The following CER1 variants were observed in gnomAD, a reference collection of about 807,000 sequenced individuals.
The protein encoded by CER1 is cerberus.
In CER1, 10 loss-of-function variants were observed where a neutral mutation model predicts 11.8. The ratio of observed to expected loss-of-function variants is 0.85; its 90% confidence interval spans 0.52 to 1.44. The LOEUF (loss-of-function observed/expected upper bound fraction) is 1.44, where lower values mean the gene tolerates loss of function less well. Ranked by LOEUF, CER1 falls within the 40% of genes most tolerant of loss-of-function variation. CER1 has a pLI of 0.00. For synonymous variants in CER1, 141 were observed against 122.3 expected (o/e 1.15, Z -1.01); for missense variants, 431 against 327.0 (o/e 1.32, Z -2.45).
At chr9:14,717,836 C>A (rs1587560117), downstream of CER1, among the ~76,000 whole-genome samples, 1 of 152,128 alleles carries the variant, frequency 6.6e-6, no homozygotes, top group Non-Finnish European at 1.5e-5. Context: ...TGCTCTTAGG[C>A]AAATTCTGAA....
chr9:14,717,709 T>G (rs897226553), downstream of CER1, among the ~76,000 whole-genome samples: 8 of 152,158 alleles, frequency 5.3e-5, no homozygotes, highest in African/African-American at 1.7e-4. Flanking sequence ...GCTAGGTAAG[T>G]GGTAAAAAGA....
downstream of CER1, chr9:14,719,619 T>TTCCTTCTTTCC (rs1839979980): frequency 1.0e-5 from 1 of 99,622 alleles, no homozygotes; most frequent in Admixed American, 9.7e-5. Context: ...TCCTTCCTTC[T>TTCCTTCTTTCC]TTCCTTCCTT....
At chr9:14,721,283 G>A (rs543639952) in intron 1 of CER1, among the ~76,000 whole-genome samples, 18 of 152,272 alleles carry the variant, frequency 1.2e-4, no homozygotes, top group African/African-American at 4.1e-4. Flanking sequence ...ATATCTTCAT[G>A]TTTAAGGACC....
In CER1 at chr9:14,722,720, G is replaced by A. The variant is rs932721542; in HGVS notation, c.-48C>T. ...TTTGTAAATGATGAGGCCCAAAGGA[G>A]AGGCTCATTCTCTGCAGGACTGGGA... On this transcript the variant is annotated 5_prime_UTR_variant, in exon 1 of 2. Coordinates refer to ENST00000380911, the MANE Select transcript of CER1 (RefSeq NM_005454.3). 6.5e-7 allele frequency: 1 copy of A among 1,545,406 alleles called. No homozygotes were observed. The highest frequency in any genetic ancestry group is 8.6e-7 in the Non-Finnish European group (1 of 1,157,594).
At position 14,720,544 on chromosome 9, in the gene CER1, G is replaced by T. The variant is rs796678214; in HGVS notation, c.508-158C>A. 5.7e-4 allele frequency among the ~76,000 whole-genome samples: 87 copies of T among 152,214 alleles called. 1 individual carries two copies. Among genetic ancestry groups the T allele is most frequent in the African/African-American group, 2.0e-3 (83 of 41,538 alleles). ...AATATGCAAGTGATGGTATCTATAA[G>T]GGCACAGAACCACCTCAATTAAATT... On this transcript the variant is annotated intron_variant, in intron 1 of 1. Transcript: ENST00000380911.
intron 1 of CER1, among the ~76,000 whole-genome samples, chr9:14,720,888 C>G (rs1839999762): frequency 6.6e-6 from 1 of 152,148 alleles, no homozygotes; most frequent in Non-Finnish European, 1.5e-5. Flanking sequence ...TGTATGCAAG[C>G]AGAGTTACAA....
rs2131789618 is a variant in CER1, at chr9:14,720,061, C to T, written c.*29G>A. On this transcript the variant is annotated 3_prime_UTR_variant, in exon 2 of 2. Transcript: ENST00000380911. ...CAGCATCTTTGCTGTTGTGGTTTTGCTTTTCAAAGGTAATAGTGGGATAGC... is the reference window on the plus strand; with the variant it reads ...CAGCATCTTTGCTGTTGTGGTTTTGTTTTTCAAAGGTAATAGTGGGATAGC... 3.1e-6 allele frequency: 5 copies of T among 1,596,398 alleles called. No individual in the cohort carries two copies. The South Asian group carries it at 3.3e-5, about 11-fold the overall frequency.
intron 1 of CER1, among the ~76,000 whole-genome samples, chr9:14,721,797 T>A (rs187447103): frequency 2.6e-5 from 4 of 152,252 alleles, no homozygotes; most frequent in Admixed American, 2.6e-4. Context: ...ACAGAGGAGT[T>A]CTGGTGATTA....
At position 14,720,133 on chromosome 9, in the gene CER1, T is replaced by G; in HGVS notation, c.761A>C (p.His254Pro). Residue 254 changes from histidine to proline, a missense_variant, in exon 2 of 2, where the codon CAT becomes CCT. By Grantham distance (77) the His-to-Pro change is moderately conservative. Coordinates refer to ENST00000380911, the MANE Select transcript of CER1 (RefSeq NM_005454.3). ...GATAAAGGAATCCTGGGAGCCAGCA[T>G]GTAGGATGTGTCCATCTTCATGCTC... The part of the protein sequence containing the change: ...KTEHEDGHIL[H>P]AGSQDSFIPG... 6.2e-7 allele frequency: 1 copy of G among 1,614,110 alleles called. No individual in the cohort carries two copies. The highest frequency in any genetic ancestry group is 8.5e-7 in the Non-Finnish European group (1 of 1,180,016).
Position 14,722,496 on chromosome 9 carries a change from T to C in CER1, c.177A>G (p.Ala59=), listed in dbSNP as rs751309701. The C allele has an allele frequency of 1.2e-6, 2 of 1,614,230 alleles. No individual in the cohort carries two copies. The highest frequency in any genetic ancestry group is 3.3e-5 in the Admixed American group (2 of 60,022). The part of the protein sequence containing the change: ...EAEEKPDLFV[A]VPHLVATSPA... ...GGCTGGTGGCTACAAGGTGTGGCAC[T>C]GCGACAAACAGATCTGGCTTCTCCT... Residue 59 remains alanine (A), a synonymous_variant, in exon 1 of 2, where the codon GCA becomes GCG. Transcript: ENST00000380911.
Position 14,722,487 on chromosome 9 carries a change from G to A in CER1, c.186C>T (p.His62=), listed in dbSNP as rs759414494. The A allele has an allele frequency of 1.2e-6, 2 of 1,614,060 alleles. No homozygotes were observed. Among genetic ancestry groups the A allele is most frequent in the South Asian group, 1.1e-5 (1 of 91,080 alleles). ...EKPDLFVAVP[H]LVATSPAGEG... is the part of the protein sequence containing the mutation. ...CCCCTGCAGGGCTGGTGGCTACAAG[G>A]TGTGGCACTGCGACAAACAGATCTG... The change falls in exon 1 of 2, where the codon CAC becomes CAT. Residue 62 remains histidine (H), a synonymous_variant. Transcript: ENST00000380911.
At position 14,720,183 on chromosome 9, in the gene CER1, C is replaced by T. The variant is rs1839988244; in HGVS notation, c.711G>A (p.Glu237=). 1 of 1,614,048 alleles carries T rather than the reference C, an allele frequency of 6.2e-7. No individual in the cohort carries two copies. Among genetic ancestry groups the T allele is most frequent in the Non-Finnish European group, 8.5e-7 (1 of 1,180,034 alleles). The change falls in exon 2 of 2, where the codon GAG becomes GAA. Residue 237 remains glutamate, a synonymous_variant. Coordinates refer to ENST00000380911, the MANE Select transcript of CER1 (RefSeq NM_005454.3). ...SSVIKVVMLV[E]ECQCKVKTEH... Reference sequence around the variant, plus strand: ...CCGTCTTCACCTTGCACTGGCACTCCTCCACCAGCATCACCACCTTGATCA... The same window carrying T: ...CCGTCTTCACCTTGCACTGGCACTCTTCCACCAGCATCACCACCTTGATCA...
chr9:14,717,358 T>A (rs530118394), downstream of CER1, among the ~76,000 whole-genome samples: 1 of 152,138 alleles, frequency 6.6e-6, no homozygotes, highest in Non-Finnish European at 1.5e-5. Context: ...TTCGTTTATA[T>A]GAATTTCAGT....
chr9:14,720,838 C>G (rs955156508), intron 1 of CER1, among the ~76,000 whole-genome samples: 4 of 152,128 alleles, frequency 2.6e-5, no homozygotes, highest in African/African-American at 4.8e-5. Context: ...TAATTCTATC[C>G]TATTCTGCAA....
chr9:14,720,188 C>T lies in CER1; in HGVS notation c.706G>A (p.Val236Met). Residue 236 changes from valine to methionine, a missense_variant, in exon 2 of 2, where the codon GTG becomes ATG. Transcript: ENST00000380911. ...TTCACCTTGCACTGGCACTCCTCCA[C>T]CAGCATCACCACCTTGATCACGGAG... ...LSSVIKVVML[V>M]EECQCKVKTE... 5 of 1,614,180 alleles carry T rather than the reference C, an allele frequency of 3.1e-6. No individual in the cohort carries two copies. Among genetic ancestry groups the T allele is most frequent in the Non-Finnish European group, 4.2e-6 (5 of 1,180,028 alleles).
chr9:14,720,826 T>C (rs1019974612), intron 1 of CER1, among the ~76,000 whole-genome samples: 3 of 152,186 alleles, frequency 2.0e-5, no homozygotes, highest in African/African-American at 7.2e-5. Flanking sequence ...ACATTCTAGG[T>C]TTAATTCTAT....
At chr9:14,717,704 G>A (rs60957653), downstream of CER1, among the ~76,000 whole-genome samples, 10,397 of 152,204 alleles carry the variant, frequency 0.068, 771 homozygotes, top group African/African-American at 0.19. Flanking sequence ...GGAGAGCTAG[G>A]TAAGTGGTAA....
At chr9:14,719,537 G>A (rs984515057), downstream of CER1, among the ~76,000 whole-genome samples, 15 of 57,760 alleles carry the variant, frequency 2.6e-4, no homozygotes, top group African/African-American at 1.1e-3. Flanking sequence ...GTGCCTGCCT[G>A]CCTGCCTGCC....
rs753065016 is a variant in CER1 at position 14,722,704 on chromosome 9, G to A, written c.-32C>T. ...AGGGGCCCAAGCTTCTTTTGTAAAT[G>A]ATGAGGCCCAAAGGAGAGGCTCATT... On this transcript the variant is annotated 5_prime_UTR_variant, in exon 1 of 2. Coordinates refer to ENST00000380911, the MANE Select transcript of CER1 (RefSeq NM_005454.3). 12 of 1,567,556 alleles carry A rather than the reference G, an allele frequency of 7.7e-6. No homozygotes were observed. Among genetic ancestry groups the A allele is most frequent in the African/African-American group, 1.4e-5 (1 of 73,376 alleles).
Sources: gnomAD v4.1 joint callset for allele counts (sites outside exome capture counted in the v4.1 genomes callset) on GRCh38, gnomAD v4.1.1 for gene constraint, MANE v1.5 for transcripts, NCBI Gene and HGNC (gene_info 2026-07-23, HGNC 2026-07-21) for gene names.